The following CCDC63 variants were observed in gnomAD, a reference collection of about 807,000 sequenced individuals.
CCDC63 encodes coiled-coil domain-containing protein 63.
CCDC63 carries 54 observed loss-of-function variants against 63.6 expected under a neutral mutation model. The observed-to-expected ratio is 0.85, with a 90% confidence interval of 0.68 to 1.07. CCDC63 has a LOEUF of 1.07. Ranked by LOEUF, CCDC63 falls within the 50% of genes least tolerant of loss-of-function variation. The pLI is 0.00. For synonymous variants in CCDC63, 253 were observed against 266.1 expected (o/e 0.95, Z 0.48); for missense variants, 637 against 689.6 (o/e 0.92, Z 0.86).
At chr12:110,847,522 G>A (rs895494000) in intron 1 of CCDC63, among the ~76,000 whole-genome samples, 1 of 151,074 alleles carries the variant, frequency 6.6e-6, no homozygotes, top group Non-Finnish European at 1.5e-5. Flanking sequence ...ACCACTGCAC[G>A]CTAGCCTGGG....
rs2070671420 is a variant in CCDC63, at chr12:110,848,832, C to T, written c.-97+1727C>T. On this transcript the variant is annotated intron_variant, in intron 1 of 11. Coordinates refer to ENST00000308208, the MANE Select transcript of CCDC63 (RefSeq NM_152591.3). ...GTTATTAAGATGGTGCATTACAAAT[C>T]CACTTAGGACCCAAAGGGCCCTGGA... 2.6e-5 allele frequency among the ~76,000 whole-genome samples: 4 copies of T among 152,178 alleles called. No homozygotes were observed. In the South Asian group the frequency reaches 8.3e-4, roughly 31 times the overall value.
At chr12:110,900,564 A>G (rs1420399776) in intron 10 of CCDC63, among the ~76,000 whole-genome samples, 8 of 151,530 alleles carry the variant, frequency 5.3e-5, no homozygotes, top group Admixed American at 2.0e-4. Context: ...TTTGGAATGA[A>G]TGGCTTCCAC....
chr12:110,904,632 T>A lies in CCDC63; in HGVS notation c.1387T>A (p.Tyr463Asn). 1 of 1,614,094 alleles carries A rather than the reference T, an allele frequency of 6.2e-7. No homozygotes were observed. Among genetic ancestry groups the A allele is most frequent in the Non-Finnish European group, 8.5e-7 (1 of 1,180,004 alleles). The stretch of plus-strand genomic sequence containing the variant: ...CAACGACCTGCTGCTGTTGGAGACC[T>A]ACAGGCGCATCCTGGAAGTGGAAGG... ...KTNDLLLLET[Y>N]RRILEVEGAE... The change falls in exon 11 of 12, where the codon TAC becomes AAC. Residue 463 changes from tyrosine (Y) to asparagine (N), a missense_variant. Transcript: ENST00000308208.
At chr12:110,866,635 G>C (rs1326419378) in intron 4 of CCDC63, among the ~76,000 whole-genome samples, 4 of 151,292 alleles carry the variant, frequency 2.6e-5, no homozygotes, top group African/African-American at 9.7e-5. Context: ...AGGGTTGGGG[G>C]TAAGGTCACA....
intron 4 of CCDC63, among the ~76,000 whole-genome samples, chr12:110,865,962 TAGCTC>T (rs1471401195): frequency 2.0e-5 from 3 of 146,528 alleles, no homozygotes; most frequent in Non-Finnish European, 3.0e-5. Context: ...CTATGGAACT[TAGCTC>T]AGCAACTTTT....
chr12:110,893,494 C>T (rs1041211460), intron 9 of CCDC63, among the ~76,000 whole-genome samples: 1 of 152,192 alleles, frequency 6.6e-6, no homozygotes, highest in Admixed American at 6.5e-5. Context: ...CCTCTTTCTT[C>T]CCCTTGTCCT....
intron 6 of CCDC63, 107 bp from the exon 7 acceptor site, chr12:110,881,008 A>G: frequency 2.0e-6 from 2 of 982,560 alleles, no homozygotes; most frequent in Non-Finnish European, 2.9e-6. Context: ...TATGATAAAT[A>G]AAAGTGATAG....
chr12:110,902,980 T>A (rs1450259678), intron 10 of CCDC63, among the ~76,000 whole-genome samples: 1 of 151,964 alleles, frequency 6.6e-6, no homozygotes, highest in Non-Finnish European at 1.5e-5. Flanking sequence ...CCTCCCAGGT[T>A]CAAATTATTC....
chr12:110,871,225 T>TC (rs1011541018), intron 4 of CCDC63, among the ~76,000 whole-genome samples: 1 of 152,176 alleles, frequency 6.6e-6, no homozygotes, highest in Non-Finnish European at 1.5e-5. Context: ...CACTGCAAGC[T>TC]CCGCCTCCCG....
At chr12:110,862,658 G>T (rs780442948) in intron 4 of CCDC63, among the ~76,000 whole-genome samples, 3 of 152,228 alleles carry the variant, frequency 2.0e-5, no homozygotes, top group Non-Finnish European at 4.4e-5. Context: ...CAACTCTAGT[G>T]GGGGCGGGCC....
Position 110,853,462 on chromosome 12 carries a change from A to G in CCDC63, c.67A>G (p.Lys23Glu). 5.0e-6 allele frequency: 8 copies of G among 1,614,166 alleles called. No individual in the cohort carries two copies. The highest frequency in any genetic ancestry group is 6.8e-6 in the Non-Finnish European group (8 of 1,180,008). The change falls in exon 3 of 12, where the codon AAA (lysine) becomes GAA (glutamate). Residue 23 changes from lysine to glutamate, a missense_variant. Transcript: ENST00000308208. ...TCCCCAGGAACCTTCGGAGAAGGCC[A>G]AAGAGCAGCAGGCGGAGGCAGAGCT... The part of the protein sequence containing the change: ...DTPQEPSEKA[K>E]EQQAEAELRK...
In CCDC63 at chr12:110,880,082, G is replaced by A; in HGVS notation, c.666G>A (p.Glu222=). 1 of 1,613,788 alleles carries A rather than the reference G, an allele frequency of 6.2e-7. No individual in the cohort carries two copies. Among genetic ancestry groups the A allele is most frequent in the Non-Finnish European group, 8.5e-7 (1 of 1,179,800 alleles). The change falls in exon 6 of 12, where the codon GAG becomes GAA. Residue 222 remains glutamate, a synonymous_variant. Coordinates refer to ENST00000308208, the MANE Select transcript of CCDC63 (RefSeq NM_152591.3). ...LAIEQSSQAY[E]QRVEAMARMA... is the part of the protein sequence containing the mutation. Reference sequence around the variant, plus strand: ...TTGAGCAATCTTCTCAGGCCTATGAGCAGAGGTGGGCTGGGGATAGGTCCA... The same window carrying A: ...TTGAGCAATCTTCTCAGGCCTATGAACAGAGGTGGGCTGGGGATAGGTCCA...
chr12:110,875,452 T>G (rs1168667281), intron 5 of CCDC63, among the ~76,000 whole-genome samples: 5 of 152,170 alleles, frequency 3.3e-5, no homozygotes, highest in Non-Finnish European at 7.4e-5. Context: ...TATAATTTTT[T>G]TTTTTTTTGA....
intron 4 of CCDC63, among the ~76,000 whole-genome samples, chr12:110,870,816 G>A (rs1187014646): frequency 1.3e-5 from 2 of 152,120 alleles, no homozygotes; most frequent in East Asian, 1.9e-4. Context: ...GAGCACAAAC[G>A]AAACTCAAAA....
intron 4 of CCDC63, among the ~76,000 whole-genome samples, chr12:110,871,059 T>A (rs1183545174): frequency 2.6e-5 from 4 of 152,188 alleles, no homozygotes; most frequent in Non-Finnish European, 5.9e-5. Flanking sequence ...AGACTTTGAA[T>A]CTGTGAATAC....
chr12:110,907,252 G>C lies in CCDC63; in HGVS notation c.1547-79G>C. ...TCCATGCTCCACTCCCCAGTGCTATGGAGGGACGCCAAACCAGGCTTAGCC... is the reference window on the plus strand; with the variant it reads ...TCCATGCTCCACTCCCCAGTGCTATCGAGGGACGCCAAACCAGGCTTAGCC... On this transcript the variant is annotated intron_variant, in intron 11 of 11. Transcript: ENST00000308208. This position sits in a 1 kb window ranked among gnomAD's most constrained non-coding sequence, Gnocchi z 4.4. 2 of 1,459,310 alleles carry C rather than the reference G, an allele frequency of 1.4e-6. No individual in the cohort carries two copies. The highest frequency in any genetic ancestry group is 1.9e-6 in the Non-Finnish European group (2 of 1,069,708). 90.4% of individuals were successfully genotyped at this position (1,459,310 alleles called of 1,614,324 possible). A position where few individuals can be genotyped will look rare whatever the true frequency, so the allele number is the denominator to read the frequency against.
intron 1 of CCDC63, among the ~76,000 whole-genome samples, chr12:110,849,173 C>A (rs1159281501): frequency 6.6e-6 from 1 of 152,204 alleles, no homozygotes; most frequent in Admixed American, 6.5e-5. Flanking sequence ...AACCTGAGAA[C>A]CATTTTCAAG....
chr12:110,853,639 T>TG, intron 3 of CCDC63, 65 bp downstream of exon 3: 1 of 1,588,014 alleles, frequency 6.3e-7, no homozygotes, highest in Non-Finnish European at 8.6e-7. Flanking sequence ...GGCTTCATGT[T>TG]GCTTGTCTTC....
rs1484553328 is a variant in CCDC63, at chr12:110,907,425, C to A, written c.1641C>A (p.Ser547Arg). ...GGAGTAAGGAAGTGCGCGGAGACAG[C>A]CTGCCTGAGAAGGTGGATGACTTCA... ...ENRSKEVRGD[S>R]LPEKVDDFRS... Residue 547 changes from serine (S) to arginine (R), a missense_variant, in exon 12 of 12, where the codon AGC becomes AGA. Ser to Arg is a moderately radical substitution (Grantham distance 110). Coordinates refer to ENST00000308208, the MANE Select transcript of CCDC63 (RefSeq NM_152591.3). The surrounding 1 kb of genome is among the most constrained non-coding windows in gnomAD (Gnocchi z 4.4). The A allele has an allele frequency of 6.2e-7, 1 of 1,614,156 alleles. No individual in the cohort carries two copies. Among genetic ancestry groups the A allele is most frequent in the East Asian group, 2.2e-5 (1 of 44,886 alleles).
Sources: gnomAD v4.1 joint callset for allele counts (sites outside exome capture counted in the v4.1 genomes callset) on GRCh38, gnomAD v4.1.1 for gene constraint, Gnocchi (gnomAD v3.1) non-coding constraint, MANE v1.5 for transcripts, NCBI Gene and HGNC (gene_info 2026-07-23, HGNC 2026-07-21) for gene names.